The following ADA variants were observed in gnomAD, a reference collection of about 807,000 sequenced individuals.
ADA encodes the protein adenosine deaminase.
Under a neutral mutation model 49.0 loss-of-function variants are expected in ADA, and 45 were observed. That is an observed-to-expected ratio of 0.92 (90% CI 0.72 to 1.18). ADA has a LOEUF of 1.18. Ranked by LOEUF, ADA falls within the 50% of genes most tolerant of loss-of-function variation. The probability of loss-of-function intolerance (pLI) is 0.00; values close to 1 mark genes in which losing one functional copy is unlikely to be tolerated. For missense variants in ADA, 445 were observed against 472.5 expected (o/e 0.94, Z 0.54); for synonymous variants, 173 against 184.2 (o/e 0.94, Z 0.49).
chr20:44,651,536 C>A (rs2065645806), intron 1 of ADA, 39 bp downstream of exon 1: 2 of 1,524,724 alleles, frequency 1.3e-6, no homozygotes, highest in Non-Finnish European at 8.8e-7. Context: ...GCCGCCCAGG[C>A]GCCGGACCCC....
At chr20:44,623,967 A>T in intron 6 of ADA, 1 of 549,370 alleles carries the variant, frequency 1.8e-6, no homozygotes, top group Non-Finnish European at 3.4e-6. Context: ...GGCTGGTCTC[A>T]AACTCCTAGG....
chr20:44,620,878 A>G (rs1469143565), intron 10 of ADA, 140 bp downstream of exon 10: 1 of 1,163,178 alleles, frequency 8.6e-7, no homozygotes, highest in Non-Finnish European at 1.3e-6. Flanking sequence ...TTCTCTGTGG[A>G]AAGTGTCTAG....
At chr20:44,637,377 G>A (rs1003478697) in intron 1 of ADA, among the ~76,000 whole-genome samples, 1 of 152,188 alleles carries the variant, frequency 6.6e-6, no homozygotes, top group Non-Finnish European at 1.5e-5. Flanking sequence ...GGTGGACATG[G>A]ATAGCCCAAA....
At chr20:44,622,548 C>T in intron 9 of ADA, 40 bp downstream of exon 9, 1 of 1,613,406 alleles carries the variant, frequency 6.2e-7, no homozygotes, top group Non-Finnish European at 8.5e-7. Flanking sequence ...TTTGGCCTTC[C>T]TGGAACAAAA....
At chr20:44,642,112 T>C (rs2065541498) in intron 1 of ADA, among the ~76,000 whole-genome samples, 1 of 152,156 alleles carries the variant, frequency 6.6e-6, no homozygotes, top group Non-Finnish European at 1.5e-5. Flanking sequence ...ACCTCCCAGC[T>C]CTGCTTTACT....
chr20:44,628,047 T>C (rs1348690537), intron 3 of ADA, among the ~76,000 whole-genome samples: 1 of 151,788 alleles, frequency 6.6e-6, no homozygotes, highest in Non-Finnish European at 1.5e-5. Flanking sequence ...GTTGATCACG[T>C]AACGGTGGAC....
chr20:44,639,144 C>G (rs2065508265), intron 1 of ADA, among the ~76,000 whole-genome samples: 1 of 152,158 alleles, frequency 6.6e-6, no homozygotes, highest in African/African-American at 2.4e-5. Flanking sequence ...GATGGCTCCT[C>G]CAAGGCCAGT....
chr20:44,626,435 C>T, intron 4 of ADA, 21 bp downstream of exon 4: 1 of 1,613,330 alleles, frequency 6.2e-7, no homozygotes, highest in Non-Finnish European at 8.5e-7. Flanking sequence ...CAGCATGGCC[C>T]CTTCCAGGCC....
intron 9 of ADA, among the ~76,000 whole-genome samples, chr20:44,621,790 C>G (rs938550186): frequency 3.7e-4 from 56 of 152,150 alleles, no homozygotes; most frequent in Non-Finnish European, 5.9e-5. Flanking sequence ...CTTGCTCCAC[C>G]ACCTCCTGGG....
chr20:44,634,594 C>T (rs534377344), intron 2 of ADA, among the ~76,000 whole-genome samples: 3 of 152,342 alleles, frequency 2.0e-5, no homozygotes, highest in South Asian at 2.1e-4. Context: ...TAACTTAACC[C>T]GGGTAACGCA....
intron 1 of ADA, among the ~76,000 whole-genome samples, chr20:44,643,578 A>G (rs1378458206): frequency 6.6e-6 from 1 of 152,160 alleles, no homozygotes; most frequent in Non-Finnish European, 1.5e-5. Flanking sequence ...GAGTTACACA[A>G]AATTGATGGT....
rs529684831 is a variant in ADA, at chr20:44,620,275, C to T, written c.1078+24G>A. ...ACTGGGGCCAGGACAGGGCAACTGC[C>T]CAGAAGCCCAGACAGGAACCTACCT... is the stretch of plus-strand genomic sequence containing the variant. On this transcript the variant is annotated intron_variant, in intron 11 of 11. Transcript: ENST00000372874. 15 of 1,602,910 alleles carry T rather than the reference C, an allele frequency of 9.4e-6. No homozygotes were observed. The South Asian group carries it at 1.5e-4, about 16-fold the overall frequency.
In ADA at chr20:44,650,169, G is replaced by A. The variant is rs1600954142; in HGVS notation, c.33+1406C>T. 2.0e-5 allele frequency among the ~76,000 whole-genome samples: 3 copies of A among 152,236 alleles called. No homozygotes were observed. The East Asian group carries it at 5.8e-4, about 29-fold the overall frequency. On this transcript the variant is annotated intron_variant, in intron 1 of 11. Transcript: ENST00000372874. ...GCGCCAATCATGGGCCCCAGCTCCA[G>A]TAAGACGTGAAGGAGGCAGGGGTGG...
chr20:44,649,206 G>A (rs1041283402), intron 1 of ADA, among the ~76,000 whole-genome samples: 7 of 152,040 alleles, frequency 4.6e-5, no homozygotes, highest in African/African-American at 1.7e-4. Context: ...TGTTTAGAAC[G>A]GTGCCTGGCA....
chr20:44,648,463 G>T (rs2065613221), intron 1 of ADA, among the ~76,000 whole-genome samples: 3 of 152,070 alleles, frequency 2.0e-5, no homozygotes, highest in African/African-American at 7.3e-5. Flanking sequence ...ACCATACAGG[G>T]GTATAGGGAC....
intron 6 of ADA, among the ~76,000 whole-genome samples, chr20:44,623,487 G>T (rs974353858): frequency 1.3e-5 from 2 of 152,154 alleles, no homozygotes; most frequent in Non-Finnish European, 2.9e-5. Context: ...TCATCATCAC[G>T]CTGGAAGCGA....
chr20:44,637,397 C>T (rs2065490490), intron 1 of ADA, among the ~76,000 whole-genome samples: 1 of 152,102 alleles, frequency 6.6e-6, no homozygotes, highest in South Asian at 2.1e-4. Flanking sequence ...AGGAAACAGC[C>T]CCTGCCGCTC....
chr20:44,625,606 C>A lies in ADA; in HGVS notation c.441G>T (p.Lys147Asn). The change falls in exon 5 of 12, where the codon AAG (lysine) becomes AAT (asparagine). Residue 147 changes from lysine to asparagine, a missense_variant. Coordinates refer to ENST00000372874, the MANE Select transcript of ADA (RefSeq NM_000022.4). Reference sequence around the variant, plus strand: ...GCATGCAGCACAGGATGGACCGGGCCTTGACCCCGAAGTCTCGCTCCCCCT... The same window carrying A: ...GCATGCAGCACAGGATGGACCGGGCATTGACCCCGAAGTCTCGCTCCCCCT... ...LQEGERDFGVKARSILCCMRH... is the reference protein window; with the variant it reads ...LQEGERDFGVNARSILCCMRH... 1 of 1,589,012 alleles carries A rather than the reference C, an allele frequency of 6.3e-7. No homozygotes were observed. The highest frequency in any genetic ancestry group is 2.3e-5 in the East Asian group (1 of 43,886).
At chr20:44,621,257 C>G (rs2065329286) in intron 9 of ADA, 110 bp from the exon 10 acceptor site, 21 of 1,358,916 alleles carry the variant, frequency 1.5e-5, no homozygotes, top group Non-Finnish European at 2.2e-5. Flanking sequence ...TCAAACAGAT[C>G]TGAAAGATCT....
Sources: allele counts gnomAD v4.1 joint callset (sites outside exome capture counted in the v4.1 genomes callset), GRCh38; gene constraint gnomAD v4.1.1; transcripts MANE v1.5; gene names NCBI Gene and HGNC (gene_info 2026-07-23, HGNC 2026-07-21).